Variants in UBE4B observed in about 807,000 individuals in gnomAD.
UBE4B encodes ubiquitin conjugation factor E4 B.
Under a neutral mutation model 148.1 loss-of-function variants are expected in UBE4B, and 27 were observed. That is an observed-to-expected ratio of 0.18 (90% CI 0.13 to 0.25). The LOEUF (loss-of-function observed/expected upper bound fraction) is 0.25, where lower values mean the gene tolerates loss of function less well. Among genes scored for constraint, UBE4B ranks in the 10% least tolerant of loss-of-function variants. UBE4B has a pLI of 1.00. For missense variants in UBE4B, 1,170 were observed against 1,662.4 expected (o/e 0.70, Z 5.15); for synonymous variants, 596 against 619.3 (o/e 0.96, Z 0.56).
At chr1:10,134,870 T>G in intron 15 of UBE4B, 118 bp from the exon 16 acceptor site, 1 of 779,224 alleles carries the variant, frequency 1.3e-6, no homozygotes, top group South Asian at 1.8e-5. Context: ...GCCTGGGAGG[T>G]GGAGGTTGCA....
At chr1:10,151,591 G>A (rs1033651756) in intron 21 of UBE4B, 30 bp downstream of exon 21, 4 of 1,588,942 alleles carry the variant, frequency 2.5e-6, no homozygotes, top group Non-Finnish European at 3.4e-6. Flanking sequence ...TGTAGCACAT[G>A]GCAGGCCAAC....
intron 10 of UBE4B, among the ~76,000 whole-genome samples, chr1:10,123,336 TAGGAGAATTGCTTGAACCA>T (rs1645440259): frequency 1.4e-5 from 2 of 143,776 alleles, no homozygotes; most frequent in Admixed American, 7.5e-5. Context: ...GAGGCTGAGG[TAGGAGAATTGCTTGAACCA>T]AGGAGACGAG....
rs148868622 is a variant in UBE4B, at chr1:10,105,996, G to A, written c.810-201G>A. 9.9e-5 allele frequency among the ~76,000 whole-genome samples: 15 copies of A among 152,110 alleles called. No individual in the cohort carries two copies. In the East Asian group the frequency reaches 2.9e-3, roughly 29 times the overall value. On this transcript the variant is annotated intron_variant, in intron 6 of 27. Transcript: ENST00000343090. Reference sequence around the variant, plus strand: ...GGCTGTGTATACTACATCATTCTTCGAATGGGGACTTTATCGTCTTGTAAG... The same window carrying A: ...GGCTGTGTATACTACATCATTCTTCAAATGGGGACTTTATCGTCTTGTAAG...
intron 25 of UBE4B, among the ~76,000 whole-genome samples, chr1:10,177,382 C>T (rs968631739): frequency 1.3e-5 from 2 of 152,030 alleles, no homozygotes; most frequent in Non-Finnish European, 1.5e-5. Context: ...ATTAGCCAGC[C>T]GTGGTGGCGC....
intron 2 of UBE4B, chr1:10,073,031 G>A (rs41280788): frequency 0.043 from 6,613 of 152,556 alleles, 203 homozygotes; most frequent in African/African-American, 0.085. Flanking sequence ...TTAGGTATCA[G>A]TGTAGACTAT....
At chr1:10,122,862 A>G (rs1165188247) in intron 10 of UBE4B, among the ~76,000 whole-genome samples, 7 of 152,340 alleles carry the variant, frequency 4.6e-5, no homozygotes, top group South Asian at 2.1e-4. Flanking sequence ...TATAATTGGT[A>G]TGATTCCTTT....
intron 21 of UBE4B, among the ~76,000 whole-genome samples, chr1:10,155,084 A>AGAGAGTGT (rs748881096): frequency 2.7e-5 from 4 of 146,200 alleles, no homozygotes; most frequent in African/African-American, 1.0e-4. Context: ...AGAGAGAGAG[A>AGAGAGTGT]GTGTGTGTGT....
intron 19 of UBE4B, among the ~76,000 whole-genome samples, chr1:10,148,647 A>G (rs1218566225): frequency 7.3e-6 from 1 of 136,430 alleles, no homozygotes; most frequent in Non-Finnish European, 1.6e-5. Flanking sequence ...AAAAAAAAAA[A>G]TCAAGAAAAG....
At position 10,158,229 on chromosome 1, in the gene UBE4B, G is replaced by A. The variant is rs1646105260; in HGVS notation, c.2927-127G>A. ...CTGTCGTGCCCTACATGCAAAAGAA[G>A]TGCAAAATTTCACCAGCTCTCTGAT... is the stretch of plus-strand genomic sequence containing the variant. On this transcript the variant is annotated intron_variant, in intron 21 of 27. Transcript: ENST00000343090. The A allele has an allele frequency of 3.2e-6, 4 of 1,232,248 alleles. No homozygotes were observed. In the South Asian group the frequency reaches 6.2e-5, roughly 19 times the overall value. The allele number at this position is 1,232,248 out of a possible 1,614,324, so 76.3% of individuals were successfully genotyped here.
At chr1:10,147,113 C>G in intron 19 of UBE4B, 23 bp downstream of exon 19, 1 of 1,613,952 alleles carries the variant, frequency 6.2e-7, no homozygotes, top group Admixed American at 1.7e-5. Context: ...CTTCCTGTTT[C>G]CCTTGTCCCT....
At chr1:10,057,900 A>G (rs750277008) in intron 1 of UBE4B, among the ~76,000 whole-genome samples, 28 of 152,178 alleles carry the variant, frequency 1.8e-4, no homozygotes, top group Admixed American at 5.9e-4. Context: ...GTGGCAGGGA[A>G]GCAAGCATGG....
intron 2 of UBE4B, among the ~76,000 whole-genome samples, chr1:10,081,533 T>A (rs1644680633): frequency 6.6e-6 from 1 of 151,292 alleles, no homozygotes; most frequent in Admixed American, 6.6e-5. Context: ...CAAGTGATCC[T>A]TTTACCTCAG....
At chr1:10,138,455 A>C (rs1403947410) in intron 17 of UBE4B, among the ~76,000 whole-genome samples, 1 of 151,972 alleles carries the variant, frequency 6.6e-6, no homozygotes, top group East Asian at 1.9e-4. Context: ...GCTGGTCTCA[A>C]ATTCCTGACC....
intron 2 of UBE4B, chr1:10,072,608 CTT>C: frequency 1.5e-6 from 1 of 662,066 alleles, no homozygotes; most frequent in Non-Finnish European, 2.7e-6. Context: ...ATTTCCTCGT[CTT>C]CATTCTGCAT....
chr1:10,118,675 TG>T (rs1174552406), intron 8 of UBE4B, among the ~76,000 whole-genome samples: 1 of 151,200 alleles, frequency 6.6e-6, no homozygotes, highest in Non-Finnish European at 1.5e-5. Flanking sequence ...CGGCTAATTT[TG>T]TATTTTTAGT....
chr1:10,037,361 C>T (rs1643581024), intron 1 of UBE4B, among the ~76,000 whole-genome samples: 2 of 151,988 alleles, frequency 1.3e-5, no homozygotes, highest in East Asian at 1.9e-4. Flanking sequence ...TTTAACTTCA[C>T]TGTTGTTTGT....
At chr1:10,074,723 C>T (rs1253356363) in intron 2 of UBE4B, among the ~76,000 whole-genome samples, 1 of 152,222 alleles carries the variant, frequency 6.6e-6, no homozygotes, top group Non-Finnish European at 1.5e-5. Flanking sequence ...GTTCCTTCTT[C>T]ACTCTTTGCC....
chr1:10,150,650 A>G (rs1645955602), intron 20 of UBE4B, among the ~76,000 whole-genome samples: 1 of 152,092 alleles, frequency 6.6e-6, no homozygotes, highest in Non-Finnish European at 1.5e-5. Context: ...TCACGAGGTC[A>G]AAAGATCAAG....
intron 1 of UBE4B, among the ~76,000 whole-genome samples, chr1:10,053,665 G>A (rs538932816): frequency 2.6e-5 from 4 of 151,986 alleles, no homozygotes; most frequent in East Asian, 1.9e-4. Context: ...CTCCCTACCC[G>A]CTGCATGGCT....
Sources: gnomAD v4.1 joint callset for allele counts (sites outside exome capture counted in the v4.1 genomes callset) on GRCh38, gnomAD v4.1.1 for gene constraint, MANE v1.5 for transcripts, NCBI Gene and HGNC (gene_info 2026-07-23, HGNC 2026-07-21) for gene names.